Variants in KMT5B observed in about 807,000 individuals in gnomAD.
The protein encoded by KMT5B is histone-lysine N-methyltransferase KMT5B.
Under a neutral mutation model 83.2 loss-of-function variants are expected in KMT5B, and 10 were observed. The observed-to-expected ratio is 0.12, with a 90% CI of 0.07 to 0.20. KMT5B has a LOEUF of 0.20. KMT5B is among the 10% of genes least tolerant of loss of function. The probability of loss-of-function intolerance (pLI) is 1.00; values close to 1 mark genes in which losing one functional copy is unlikely to be tolerated. For missense variants in KMT5B, 753 were observed against 1,067.2 expected (o/e 0.71, Z 4.10); for synonymous variants, 349 against 388.8 (o/e 0.90, Z 1.20).
intron 2 of KMT5B, among the ~76,000 whole-genome samples, chr11:68,187,189 G>A (rs1400713866): frequency 6.6e-6 from 1 of 151,904 alleles, no homozygotes; most frequent in Non-Finnish European, 1.5e-5. Context: ...GTAAAAGTGG[G>A]GTCTCGCCAT....
chr11:68,201,880 G>A (rs184130266), intron 1 of KMT5B, among the ~76,000 whole-genome samples: 83 of 142,608 alleles, frequency 5.8e-4, no homozygotes, highest in Non-Finnish European at 2.1e-4. Flanking sequence ...AGGAGTTCAA[G>A]ACCAGCCTGG....
In KMT5B at chr11:68,163,418, T is replaced by C. The variant is rs1855027352; in HGVS notation, c.1174+3564A>G. 2.6e-5 allele frequency among the ~76,000 whole-genome samples: 4 copies of C among 152,210 alleles called. No individual in the cohort carries two copies. In the South Asian group the frequency reaches 8.3e-4, roughly 31 times the overall value. On this transcript the variant is annotated intron_variant, in intron 10 of 10. Coordinates refer to ENST00000304363, the MANE Select transcript of KMT5B (RefSeq NM_017635.5). The stretch of plus-strand genomic sequence containing the variant: ...TCACGCTTATGCTGCCTATAAGGCA[T>C]ATACAGAAGAATTATGGTGTTGGCC...
At chr11:68,206,063 T>C (rs1433628074) in intron 1 of KMT5B, among the ~76,000 whole-genome samples, 2 of 152,240 alleles carry the variant, frequency 1.3e-5, no homozygotes, top group Admixed American at 6.5e-5. Flanking sequence ...AGGGATGTCA[T>C]GTAAGAAAGA....
chr11:68,162,112 T>C (rs1265980207), intron 10 of KMT5B, among the ~76,000 whole-genome samples: 1 of 152,172 alleles, frequency 6.6e-6, no homozygotes, highest in East Asian at 1.9e-4. Context: ...ACCCCTGCAA[T>C]GTCACTGCAA....
chr11:68,174,645 C>CT (rs139807051), intron 5 of KMT5B, among the ~76,000 whole-genome samples: 2,817 of 152,298 alleles, frequency 0.018, 95 homozygotes, highest in African/African-American at 0.064. Context: ...GCTTCTGGCT[C>CT]TGCTTCCTGA....
intron 1 of KMT5B, among the ~76,000 whole-genome samples, chr11:68,204,166 G>A (rs765362902): frequency 5.3e-5 from 8 of 152,154 alleles, no homozygotes; most frequent in Middle Eastern, 3.4e-3. Flanking sequence ...GATGGCCACA[G>A]ACACCATCAC....
At chr11:68,198,059 G>A (rs1858933107) in intron 1 of KMT5B, among the ~76,000 whole-genome samples, 1 of 152,182 alleles carries the variant, frequency 6.6e-6, no homozygotes, top group South Asian at 2.1e-4. Flanking sequence ...ATTAAAGGTA[G>A]CGATGGGATT....
At chr11:68,211,803 C>T (rs1232021467) in intron 1 of KMT5B, among the ~76,000 whole-genome samples, 1 of 152,142 alleles carries the variant, frequency 6.6e-6, no homozygotes, top group Non-Finnish European at 1.5e-5. Flanking sequence ...GGAGCCAGAG[C>T]TTGGGAGAGG....
chr11:68,192,136 A>G (rs1052913120), intron 1 of KMT5B, among the ~76,000 whole-genome samples: 2 of 152,182 alleles, frequency 1.3e-5, no homozygotes, highest in African/African-American at 2.4e-5. Flanking sequence ...TGACAACTGC[A>G]TGACAACAAA....
intron 1 of KMT5B, among the ~76,000 whole-genome samples, chr11:68,200,674 G>C (rs1859324872): frequency 6.6e-6 from 1 of 152,144 alleles, no homozygotes; most frequent in South Asian, 2.1e-4. Flanking sequence ...AGCGCTTATA[G>C]GATCTGTGTT....
chr11:68,205,657 G>C (rs1591074250), intron 1 of KMT5B, among the ~76,000 whole-genome samples: 1 of 141,640 alleles, frequency 7.1e-6, no homozygotes, highest in African/African-American at 2.7e-5. Flanking sequence ...GTCTCACTCT[G>C]TCCACCAGGC....
intron 10 of KMT5B, among the ~76,000 whole-genome samples, chr11:68,162,381 CCT>C (rs1258504167): frequency 2.6e-5 from 4 of 152,180 alleles, no homozygotes; most frequent in East Asian, 1.9e-4. Context: ...CTCAAACTCC[CCT>C]CTGTCTATAG....
chr11:68,159,128 C>T lies in KMT5B; in HGVS notation c.1218G>A (p.Lys406=). The T allele has an allele frequency of 6.3e-7, 1 of 1,581,914 alleles. No homozygotes were observed. The highest frequency in any genetic ancestry group is 8.5e-7 in the Non-Finnish European group (1 of 1,171,000). The change falls in exon 11 of 11, where the codon AAG becomes AAA. Residue 406 remains lysine, a synonymous_variant. Coordinates refer to ENST00000304363, the MANE Select transcript of KMT5B (RefSeq NM_017635.5). ...KSSVGVKKNS[K]SRTLTRQSMS... is the part of the protein sequence containing the mutation. ...TAGATTGCCTCGTTAACGTTCTGCT[C>T]TTGCTATTCTTTTTTACGCCAACTG... is the stretch of plus-strand genomic sequence containing the variant.
chr11:68,195,433 T>C (rs889829523), intron 1 of KMT5B, among the ~76,000 whole-genome samples: 1 of 152,168 alleles, frequency 6.6e-6, no homozygotes, highest in Non-Finnish European at 1.5e-5. Flanking sequence ...CCTAAAAAAG[T>C]TGTTTCTATA....
chr11:68,189,913 A>C lies in KMT5B; in HGVS notation c.160+4T>G. 1 of 1,613,890 alleles carries C rather than the reference A, an allele frequency of 6.2e-7. No individual in the cohort carries two copies. The highest frequency in any genetic ancestry group is 8.5e-7 in the Non-Finnish European group (1 of 1,179,898). ...GAACATTGAAGGTTTAAGTGTGTACATACATCTGTTCGACCTCCTCTCGAC... is the reference window on the plus strand; with the variant it reads ...GAACATTGAAGGTTTAAGTGTGTACCTACATCTGTTCGACCTCCTCTCGAC... On this transcript the variant is annotated splice_donor_region_variant and intron_variant, in intron 2 of 10. Transcript: ENST00000304363.
intron 1 of KMT5B, among the ~76,000 whole-genome samples, chr11:68,204,916 C>A (rs1415688638): frequency 6.6e-6 from 1 of 151,928 alleles, no homozygotes; most frequent in Non-Finnish European, 1.5e-5. Context: ...CGTGCCCAGC[C>A]CATTTCTGTT....
At chr11:68,195,205 T>C (rs577153943) in intron 1 of KMT5B, among the ~76,000 whole-genome samples, 1 of 152,248 alleles carries the variant, frequency 6.6e-6, no homozygotes, top group East Asian at 1.9e-4. Flanking sequence ...TATATAAATG[T>C]ATTTTATATT....
intron 10 of KMT5B, among the ~76,000 whole-genome samples, chr11:68,163,317 C>G (rs908216917): frequency 6.6e-6 from 1 of 152,196 alleles, no homozygotes; most frequent in Non-Finnish European, 1.5e-5. Flanking sequence ...CAAGCTTACA[C>G]GAACTAGCAT....
intron 4 of KMT5B, chr11:68,179,802 C>T (rs566367351): frequency 4.0e-4 from 169 of 417,760 alleles, no homozygotes; most frequent in Non-Finnish European, 6.1e-4. Context: ...AGTGAGGAGT[C>T]GCAGATCAGC....
Sources: allele counts gnomAD v4.1 joint callset (sites outside exome capture counted in the v4.1 genomes callset), GRCh38; gene constraint gnomAD v4.1.1; transcripts MANE v1.5; gene names NCBI Gene and HGNC (gene_info 2026-07-23, HGNC 2026-07-21).